C1orf174: variants seen among roughly 807,000 people sequenced by gnomAD.
C1orf174 encodes the protein chromosome 1 open reading frame 174, also known as UPF0688 protein C1orf174.
A neutral mutation model predicts 18.4 loss-of-function variants in C1orf174; 13 were observed. The observed-to-expected ratio is 0.71, with a 90% confidence interval of 0.46 to 1.12. C1orf174 has a LOEUF of 1.12. Among genes scored for constraint, C1orf174 ranks in the 50% most tolerant of loss-of-function variants. The pLI is 0.00. For missense variants in C1orf174, 309 were observed against 308.0 expected, an observed-to-expected ratio of 1.00 and a Z score of -0.02; for synonymous variants, 100 against 118.3, an observed-to-expected ratio of 0.85 and a Z score of 1.01.
At chr1:3,897,379 CTGA>C (rs1557741341) in intron 1 of C1orf174, among the ~76,000 whole-genome samples, 1 of 151,992 alleles carries the variant, frequency 6.6e-6, no homozygotes, top group Admixed American at 6.6e-5. Context: ...AGTACAAAAC[CTGA>C]AATAACAAAA....
intron 1 of C1orf174, among the ~76,000 whole-genome samples, chr1:3,897,703 G>A (rs993127315): frequency 2.0e-5 from 3 of 151,522 alleles, no homozygotes; most frequent in Non-Finnish European, 4.4e-5. Context: ...TCACTCTATC[G>A]CCCAGGCTGG....
chr1:3,891,688 A>C (rs992821858), intron 2 of C1orf174: 1 of 985,868 alleles, frequency 1.0e-6, no homozygotes, highest in African/African-American at 1.7e-5. Context: ...GGCAGACGGC[A>C]TGAGATTCCT....
At position 3,890,634 on chromosome 1, in the gene C1orf174, G is replaced by T. The variant is rs752301663; in HGVS notation, c.553C>A (p.Leu185Ile). Residue 185 changes from leucine to isoleucine, a missense_variant, in exon 3 of 4, where the codon CTA becomes ATA. Transcript: ENST00000361605. ...PPLQMDNSVFLDDDSNQPMPV... is the reference protein window; with the variant it reads ...PPLQMDNSVFIDDDSNQPMPV... ...ATTGGCTGATTGCTGTCGTCATCTA[G>T]AAAGACGCTGTTGTCCATCTGAAGT... is the stretch of plus-strand genomic sequence containing the variant. The T allele has an allele frequency of 1.2e-5, 20 of 1,613,996 alleles. No individual in the cohort carries two copies. The highest frequency in any genetic ancestry group is 1.7e-5 in the Non-Finnish European group (20 of 1,180,032).
chr1:3,891,174 C>T, intron 2 of C1orf174, 117 bp from the exon 3 acceptor site: 1 of 1,295,248 alleles, frequency 7.7e-7, no homozygotes, highest in Non-Finnish European at 1.1e-6. Context: ...GTGACCACAA[C>T]TTTCACAGAT....
rs192782903 is a variant in C1orf174 at position 3,897,063 on chromosome 1, C to A, written c.15+3109G>T. On this transcript the variant is annotated intron_variant, in intron 1 of 3. Coordinates refer to ENST00000361605, the MANE Select transcript of C1orf174 (RefSeq NM_207356.3). ...CAAGCCCCAGGGTTGGGGACAGTAC[C>A]CAGAATTGCTAAAATGTATTATCTA... 4.0e-4 allele frequency among the ~76,000 whole-genome samples: 61 copies of A among 152,180 alleles called. 1 individual carries two copies. Among genetic ancestry groups the A allele is most frequent in the Admixed American group, 1.1e-3 (17 of 15,276 alleles).
In C1orf174 at chr1:3,892,873, CAG is replaced by C. The variant is rs749380962; in HGVS notation, c.129+8_129+9del. The C allele has an allele frequency of 4.3e-6, 7 of 1,613,762 alleles. No homozygotes were observed. In the Admixed American group the frequency reaches 1.2e-4, roughly 27 times the overall value. On this transcript the variant is annotated splice_region_variant and intron_variant, in intron 2 of 3. Coordinates refer to ENST00000361605, the MANE Select transcript of C1orf174 (RefSeq NM_207356.3). ...AGGATCTTGGCGTTCTCCACGGTAA[CAG>C]GGCTCACCAGACATGCTGTCTTGGC...
At chr1:3,890,499 G>C in intron 3 of C1orf174, 70 bp downstream of exon 3, 3 of 1,574,174 alleles carry the variant, frequency 1.9e-6, no homozygotes, top group Non-Finnish European at 2.6e-6. Context: ...TGCACTGAGT[G>C]GGGAGTGTGT....
rs116936878 is a variant in C1orf174, at chr1:3,897,295, G to A, written c.15+2877C>T. Among the ~76,000 whole-genome samples, 49 of 152,260 alleles carry A rather than the reference G, an allele frequency of 3.2e-4. 2 individuals are homozygous for A. In the East Asian group the frequency reaches 8.7e-3, roughly 27 times the overall value. ...GATCATGAATAAAGAAGAAACATAAGATAATGCTGCATCAAAGAGACTATC... is the reference window on the plus strand; with the variant it reads ...GATCATGAATAAAGAAGAAACATAAAATAATGCTGCATCAAAGAGACTATC... On this transcript the variant is annotated intron_variant, in intron 1 of 3. Coordinates refer to ENST00000361605, the MANE Select transcript of C1orf174 (RefSeq NM_207356.3).
chr1:3,900,229 G>T lies in C1orf174; in HGVS notation c.-43C>A. ...CCAAGCACCGCGCGCCCCGGCCAAC[G>T]CGTCCCGGCGGAGCGGCGACCCGGA... is the stretch of plus-strand genomic sequence containing the variant. On this transcript the variant is annotated 5_prime_UTR_variant, in exon 1 of 4. Coordinates refer to ENST00000361605, the MANE Select transcript of C1orf174 (RefSeq NM_207356.3). 1.3e-6 allele frequency: 2 copies of T among 1,546,222 alleles called. No homozygotes were observed. The highest frequency in any genetic ancestry group is 1.7e-6 in the Non-Finnish European group (2 of 1,159,138).
rs977919396 is a variant in C1orf174 at position 3,890,040 on chromosome 1, T to C, written c.652A>G (p.Met218Val). 7.4e-6 allele frequency: 12 copies of C among 1,614,068 alleles called. No individual in the cohort carries two copies. The highest frequency in any genetic ancestry group is 2.2e-5 in the East Asian group (1 of 44,898). The change falls in exon 4 of 4, where the codon ATG becomes GTG. Residue 218 changes from methionine (M) to valine (V), a missense_variant. Met to Val is a conservative substitution (Grantham distance 21). Coordinates refer to ENST00000361605, the MANE Select transcript of C1orf174 (RefSeq NM_207356.3). Reference sequence around the variant, plus strand: ...ATTTTTCTGAACTCTCGTCTGCTCATTGAAGGACAAGATGAAGACGCAGGT... The same window carrying C: ...ATTTTTCTGAACTCTCGTCTGCTCACTGAAGGACAAGATGAAGACGCAGGT... Reference protein sequence around the residue: ...LPPASSSCPSMSRREFRKMHF... With the variant: ...LPPASSSCPSVSRREFRKMHF...
Position 3,890,785 on chromosome 1 carries a change from C to T in C1orf174, c.402G>A (p.Lys134=), listed in dbSNP as rs747057668. ...TTGGCACGGACAGGCCATCTCTAGT[C>T]TTTGCTAAGCGAGAGTCACTCACAA... ...CRVVSDSRLA[K]TRDGLSVPKH... The change falls in exon 3 of 4, where the codon AAG becomes AAA. Residue 134 remains lysine, a synonymous_variant. Coordinates refer to ENST00000361605, the MANE Select transcript of C1orf174 (RefSeq NM_207356.3). 6.2e-7 allele frequency: 1 copy of T among 1,613,948 alleles called. No homozygotes were observed. The highest frequency in any genetic ancestry group is 1.7e-5 in the Admixed American group (1 of 60,022).
Position 3,889,201 on chromosome 1 carries a change from C to T in C1orf174, c.*759G>A, listed in dbSNP as rs915850592. 3 of 152,152 alleles carry T rather than the reference C, an allele frequency of 2.0e-5. No individual in the cohort carries two copies. Among genetic ancestry groups the T allele is most frequent in the Non-Finnish European group, 4.4e-5 (3 of 68,016 alleles). The allele number at this position is 152,152 out of a possible 1,614,324, so 9.4% of individuals were successfully genotyped here. ...AAAATTTCCAAGGTAAACATTAGCT[C>T]CACATACAGAAATAAAAGAGTTCTT... is the stretch of plus-strand genomic sequence containing the variant. On this transcript the variant is annotated 3_prime_UTR_variant, in exon 4 of 4. Coordinates refer to ENST00000361605, the MANE Select transcript of C1orf174 (RefSeq NM_207356.3).
chr1:3,900,049 G>T, intron 1 of C1orf174, 123 bp downstream of exon 1: 2 of 1,233,308 alleles, frequency 1.6e-6, no homozygotes, highest in Non-Finnish European at 1.1e-6. Context: ...CGGGGGCGAG[G>T]CCCAAGCGGA....
intron 1 of C1orf174, among the ~76,000 whole-genome samples, chr1:3,897,419 C>G (rs572470833): frequency 2.6e-5 from 4 of 152,218 alleles, no homozygotes; most frequent in African/African-American, 9.6e-5. Context: ...AATAGTAGAA[C>G]TGAACTGGCA....
chr1:3,896,513 A>G (rs1638608205), intron 1 of C1orf174, among the ~76,000 whole-genome samples: 1 of 152,220 alleles, frequency 6.6e-6, no homozygotes, highest in Non-Finnish European at 1.5e-5. Context: ...AGGCAACTAA[A>G]CAGACAGCTC....
At chr1:3,895,632 A>G (rs1245051317) in intron 1 of C1orf174, 1 of 152,260 alleles carries the variant, frequency 6.6e-6, no homozygotes, top group African/African-American at 2.4e-5. Flanking sequence ...AGGAGTCAAA[A>G]CATGAGATCG....
chr1:3,895,490 A>C (rs1003457534), intron 1 of C1orf174: 5 of 151,536 alleles, frequency 3.3e-5, no homozygotes, highest in African/African-American at 1.2e-4. Flanking sequence ...CCCCTTCTGC[A>C]GAGAAAAGCC....
Position 3,890,737 on chromosome 1 carries a change from T to G in C1orf174, c.450A>C (p.Ala150=), listed in dbSNP as rs138912421. The G allele has an allele frequency of 2.3e-5, 37 of 1,614,156 alleles. No homozygotes were observed. The African/African-American group carries it at 4.3e-4, about 19-fold the overall frequency. ...SVPKHSAGSG[A]EESNSSSTVQ... ...CAGTGGAGCTGCTGTTGGATTCTTCTGCTCCGGACCCGGCACTGTGTTTTG... is the reference window on the plus strand; with the variant it reads ...CAGTGGAGCTGCTGTTGGATTCTTCGGCTCCGGACCCGGCACTGTGTTTTG... The change falls in exon 3 of 4, where the codon GCA becomes GCC. Residue 150 remains alanine (A), a synonymous_variant. Transcript: ENST00000361605.
At chr1:3,897,235 T>A (rs552064466) in intron 1 of C1orf174, among the ~76,000 whole-genome samples, 6 of 152,116 alleles carry the variant, frequency 3.9e-5, no homozygotes, top group Non-Finnish European at 7.4e-5. Context: ...TATACATATA[T>A]AAAGGACCAA....
Sources: allele counts gnomAD v4.1 joint callset (sites outside exome capture counted in the v4.1 genomes callset), GRCh38; gene constraint gnomAD v4.1.1; transcripts MANE v1.5; gene names NCBI Gene and HGNC (gene_info 2026-07-23, HGNC 2026-07-21).